The following ANKHD1 variants were observed in gnomAD, a reference collection of about 807,000 sequenced individuals.
ANKHD1 encodes ankyrin repeat and KH domain containing 1.
ANKHD1 carries 31 observed loss-of-function variants against 230.5 expected under a neutral mutation model. The ratio of observed to expected loss-of-function variants is 0.13; its 90% CI spans 0.10 to 0.18. The LOEUF (loss-of-function observed/expected upper bound fraction) is 0.18. Ranked by LOEUF, ANKHD1 falls within the 10% of genes least tolerant of loss-of-function variation. ANKHD1 has a pLI of 1.00. For missense variants in ANKHD1, 2,256 were observed against 3,071.3 expected, an observed-to-expected ratio of 0.73 and a Z score of 6.27; for synonymous variants, 1,074 against 1,117.6, an observed-to-expected ratio of 0.96 and a Z score of 0.78.
chr5:140,442,038 T>C lies in ANKHD1; in HGVS notation c.913+896T>C, dbSNP rs985912297. Among the ~76,000 whole-genome samples, 13 of 138,160 alleles carry C rather than the reference T, an allele frequency of 9.4e-5. No individual in the cohort carries two copies. The South Asian group carries it at 3.2e-3, about 34-fold the overall frequency. 90.6% of individuals were successfully genotyped at this position (138,160 alleles called of 152,430 possible). A position where few individuals can be genotyped will look rare whatever the true frequency, so the allele number is the denominator to read the frequency against. On this transcript the variant is annotated intron_variant, in intron 5 of 33. Transcript: ENST00000360839. ...ACATTTACTAATAAGATATTCTTTT[T>C]TTTTTTTTTTTTTTTTTTTGAGATG... is the stretch of plus-strand genomic sequence containing the variant.
intron 1 of ANKHD1, among the ~76,000 whole-genome samples, chr5:140,414,457 A>G (rs1191519130): frequency 1.3e-5 from 2 of 152,156 alleles, no homozygotes; most frequent in Non-Finnish European, 2.9e-5. Flanking sequence ...TAGTAGTGTT[A>G]AGCATCTTTT....
At chr5:140,483,543 C>T (rs371684569) in intron 11 of ANKHD1, among the ~76,000 whole-genome samples, 1 of 150,272 alleles carries the variant, frequency 6.7e-6, no homozygotes, top group African/African-American at 2.5e-5. Context: ...CTGCAACCTC[C>T]GCCTCCCGGG....
chr5:140,522,874 A>T (rs1318768593), intron 24 of ANKHD1, among the ~76,000 whole-genome samples: 1 of 152,086 alleles, frequency 6.6e-6, no homozygotes. Flanking sequence ...AGTGGGTGTG[A>T]AGTGGATATC....
At chr5:140,451,765 C>T (rs1393581764) in intron 7 of ANKHD1, among the ~76,000 whole-genome samples, 1 of 152,196 alleles carries the variant, frequency 6.6e-6, no homozygotes, top group East Asian at 1.9e-4. Flanking sequence ...GCCTCAACTT[C>T]CCAAAGTGCT....
At chr5:140,455,705 G>A (rs546405290) in intron 7 of ANKHD1, among the ~76,000 whole-genome samples, 38 of 152,168 alleles carry the variant, frequency 2.5e-4, no homozygotes, top group Admixed American at 1.1e-3. Context: ...GGTATTGATG[G>A]GACATATCTC....
At chr5:140,513,891 C>T (rs1752870611) in intron 24 of ANKHD1, among the ~76,000 whole-genome samples, 1 of 148,560 alleles carries the variant, frequency 6.7e-6, no homozygotes, top group Non-Finnish European at 1.5e-5. Flanking sequence ...GAGGCTGAGC[C>T]TAGGAGTTTG....
intron 2 of ANKHD1, among the ~76,000 whole-genome samples, chr5:140,436,464 G>A (rs543921549): frequency 1.5e-4 from 23 of 152,250 alleles, no homozygotes; most frequent in Non-Finnish European, 1.9e-4. Context: ...GATAATGAGC[G>A]TCCAGGCGCA....
Position 140,441,029 on chromosome 5 carries a change from G to T in ANKHD1, c.800G>T (p.Arg267Leu). The T allele has an allele frequency of 6.2e-7, 1 of 1,610,166 alleles. No homozygotes were observed. Among genetic ancestry groups the T allele is most frequent in the Non-Finnish European group, 8.5e-7 (1 of 1,178,662 alleles). The change falls in exon 5 of 34, where the codon CGA becomes CTA. Residue 267 changes from arginine to leucine, a missense_variant. Physicochemically the swap from Arg to Leu is moderately radical, Grantham distance 102. Coordinates refer to ENST00000360839, the MANE Select transcript of ANKHD1 (RefSeq NM_017747.3). Reference protein sequence around the residue: ...LLAMHANVEDRGNKGDITPLM... With the variant: ...LLAMHANVEDLGNKGDITPLM... Reference sequence around the variant, plus strand: ...GCTATGCATGCTAATGTTGAAGATCGAGGGAATAAAGGAGACATAACTCCC... The same window carrying T: ...GCTATGCATGCTAATGTTGAAGATCTAGGGAATAAAGGAGACATAACTCCC...
chr5:140,452,415 C>T (rs1561744154), intron 7 of ANKHD1, among the ~76,000 whole-genome samples: 2 of 152,196 alleles, frequency 1.3e-5, no homozygotes, highest in Non-Finnish European at 2.9e-5. Context: ...AATGGACAGA[C>T]TGCCTCCTCA....
chr5:140,511,915 G>A (rs1482528356), intron 22 of ANKHD1, among the ~76,000 whole-genome samples: 1 of 152,156 alleles, frequency 6.6e-6, no homozygotes, highest in African/African-American at 2.4e-5. Context: ...GGTAGGAAGG[G>A]AAACTATGCA....
In ANKHD1 at chr5:140,527,254, AT is replaced by A; in HGVS notation, c.5087+184del. The A allele has an allele frequency of 9.7e-7, 1 of 1,036,036 alleles. No individual in the cohort carries two copies. The highest frequency in any genetic ancestry group is 1.3e-6 in the Non-Finnish European group (1 of 784,062). The allele number at this position is 1,036,036 out of a possible 1,614,324, so 64.2% of individuals were successfully genotyped here. A position where few individuals can be genotyped will look rare whatever the true frequency, so the allele number is the denominator to read the frequency against. On this transcript the variant is annotated intron_variant, in intron 27 of 33. Transcript: ENST00000360839. The surrounding 1 kb of genome is among the most constrained non-coding windows in gnomAD (Gnocchi z 4.5). ...AGCAGTATGTAAATTTTGCATGCATATTTTATATGACACAAGAAATTTTGGC... is the reference window on the plus strand; with the variant it reads ...AGCAGTATGTAAATTTTGCATGCATATTTATATGACACAAGAAATTTTGGC...
At chr5:140,421,041 TAGG>T (rs1156641254) in intron 1 of ANKHD1, among the ~76,000 whole-genome samples, 1 of 152,228 alleles carries the variant, frequency 6.6e-6, no homozygotes, top group Non-Finnish European at 1.5e-5. Flanking sequence ...GCCAGACTGC[TAGG>T]AGAACAAGTT....
chr5:140,512,091 C>T (rs1262198948), intron 22 of ANKHD1, among the ~76,000 whole-genome samples: 1 of 151,986 alleles, frequency 6.6e-6, no homozygotes, highest in Non-Finnish European at 1.5e-5. Flanking sequence ...CAAAAATTAG[C>T]CAGGCGTGAT....
At chr5:140,466,392 CAA>C (rs5871737) in intron 10 of ANKHD1, among the ~76,000 whole-genome samples, 141 of 131,868 alleles carry the variant, frequency 1.1e-3, no homozygotes, top group Non-Finnish European at 1.1e-3. Context: ...AACGCCATCT[CAA>C]AAAAAAAAAA....
chr5:140,435,584 G>T lies in ANKHD1; in HGVS notation c.307-520G>T, dbSNP rs559872482. Among the ~76,000 whole-genome samples the T allele has an allele frequency of 1.3e-4, 20 of 152,106 alleles. No individual in the cohort carries two copies. In the South Asian group the frequency reaches 4.2e-3, roughly 32 times the overall value. ...AGTAGAGATGAGGTTTCACCATGTT[G>T]GCCAGGATGGTCTCAAACTCTTGAC... On this transcript the variant is annotated intron_variant, in intron 1 of 33. Transcript: ENST00000360839.
In ANKHD1 at chr5:140,510,084, G is replaced by A; in HGVS notation, c.4007G>A (p.Gly1336Asp). The A allele has an allele frequency of 6.2e-7, 1 of 1,614,138 alleles. No homozygotes were observed. The highest frequency in any genetic ancestry group is 8.5e-7 in the Non-Finnish European group (1 of 1,180,020). Residue 1336 changes from glycine to aspartate, a missense_variant, in exon 22 of 34, where the codon GGT becomes GAT. Physicochemically the swap from Gly to Asp is moderately conservative, Grantham distance 94 (BLOSUM62 -1). Transcript: ENST00000360839. Reference protein sequence around the residue: ...NTPLWLASNGGHFDVVQLLVQ... With the variant: ...NTPLWLASNGDHFDVVQLLVQ... ...CCACTTTGGCTGGCATCCAATGGAG[G>A]TCATTTTGATGTTGTGCAGTTGCTA...
At chr5:140,447,144 C>T (rs1774345494) in intron 6 of ANKHD1, among the ~76,000 whole-genome samples, 1 of 152,054 alleles carries the variant, frequency 6.6e-6, no homozygotes, top group Admixed American at 6.6e-5. Flanking sequence ...CTCAAATGAT[C>T]CACCTGCCTT....
At chr5:140,449,041 T>C (rs1370723635) in intron 6 of ANKHD1, among the ~76,000 whole-genome samples, 170 bp from the exon 7 acceptor site, 1 of 152,228 alleles carries the variant, frequency 6.6e-6, no homozygotes, top group African/African-American at 2.4e-5. Context: ...GAAAAAAGCC[T>C]GTATATTGCT....
chr5:140,402,589 T>A (rs1346875362), intron 1 of ANKHD1, among the ~76,000 whole-genome samples: 1 of 151,986 alleles, frequency 6.6e-6, no homozygotes, highest in African/African-American at 2.4e-5. Context: ...GGGGGCGGGG[T>A]CTTGCCAGAG....
Sources: gnomAD v4.1 joint callset for allele counts (sites outside exome capture counted in the v4.1 genomes callset) on GRCh38, gnomAD v4.1.1 for gene constraint, Gnocchi (gnomAD v3.1) non-coding constraint, MANE v1.5 for transcripts, NCBI Gene and HGNC (gene_info 2026-07-23, HGNC 2026-07-21) for gene names.